Variants in LRRN1 observed in about 807,000 individuals in gnomAD.
LRRN1 encodes leucine-rich repeat neuronal protein 1.
Under a neutral mutation model 45.8 loss-of-function variants are expected in LRRN1, and 14 were observed. That is an observed-to-expected ratio of 0.31 (90% CI 0.20 to 0.48). The LOEUF is 0.48. Ranked by LOEUF, LRRN1 falls within the 20% of genes least tolerant of loss-of-function variation. The probability of loss-of-function intolerance (pLI) is 0.99; values close to 1 mark genes in which losing one functional copy is unlikely to be tolerated. For synonymous variants in LRRN1, 359 were observed against 330.1 expected (o/e 1.09, Z -0.95); for missense variants, 789 against 874.2 (o/e 0.90, Z 1.23).
rs2106471634 is a variant in LRRN1, at chr3:3,844,456, G to C, written c.-186G>C. The C allele has an allele frequency of 3.5e-6, 2 of 564,188 alleles. No homozygotes were observed. The highest frequency in any genetic ancestry group is 6.2e-6 in the Non-Finnish European group (2 of 320,682). 34.9% of individuals were successfully genotyped at this position (564,188 alleles called of 1,614,324 possible). ...GAGAGACACAGTTAAAAGACTCCAA[G>C]TTGCTTTCTGCCTTTTGAAAACTCC... On this transcript the variant is annotated 5_prime_UTR_variant, in exon 2 of 2. Coordinates refer to ENST00000319331, the MANE Select transcript of LRRN1 (RefSeq NM_020873.7).
At chr3:3,806,084 C>T (rs1479164550) in intron 1 of LRRN1, among the ~76,000 whole-genome samples, 2 of 151,820 alleles carry the variant, frequency 1.3e-5, no homozygotes, top group Non-Finnish European at 2.9e-5. Context: ...TCATCGCTGT[C>T]ACAAGTGAGG....
chr3:3,831,875 T>C lies in LRRN1; in HGVS notation c.-278-12489T>C, dbSNP rs12497209. ...AAGACTATGACACAAAGCTGGAGAG[T>C]TGATATACCCCTGGGGTAGGACAGT... On this transcript the variant is annotated intron_variant, in intron 1 of 1. Coordinates refer to ENST00000319331, the MANE Select transcript of LRRN1 (RefSeq NM_020873.7). Among the ~76,000 whole-genome samples, 43 of 23,414 alleles carry C rather than the reference T, an allele frequency of 1.8e-3. 7 individuals are homozygous for C. The highest frequency in any genetic ancestry group is 3.6e-3 in the Non-Finnish European group (13 of 3,604). The allele number at this position is 23,414 out of a possible 152,430, so 15.4% of individuals were successfully genotyped here. A position where few individuals can be genotyped will look rare whatever the true frequency, so the allele number is the denominator to read the frequency against.
chr3:3,842,267 T>A (rs970522915), intron 1 of LRRN1, among the ~76,000 whole-genome samples: 2 of 151,896 alleles, frequency 1.3e-5, no homozygotes, highest in Non-Finnish European at 2.9e-5. Context: ...GTAACCAGAC[T>A]TGGAGATGGG....
At chr3:3,840,981 T>C (rs1024223494) in intron 1 of LRRN1, among the ~76,000 whole-genome samples, 1 of 152,188 alleles carries the variant, frequency 6.6e-6, no homozygotes, top group Non-Finnish European at 1.5e-5. Context: ...TCTTGGTACA[T>C]TTCCTTACAT....
At chr3:3,814,242 T>G (rs1245269223) in intron 1 of LRRN1, among the ~76,000 whole-genome samples, 1 of 148,802 alleles carries the variant, frequency 6.7e-6, no homozygotes, top group Non-Finnish European at 1.5e-5. Context: ...CTTTCGGAAT[T>G]ATAGAACTGA....
chr3:3,800,945 C>A (rs1179027955), intron 1 of LRRN1: 1 of 152,464 alleles, frequency 6.6e-6, no homozygotes, highest in East Asian at 1.9e-4. Flanking sequence ...CGACTCGGCG[C>A]TTCCCCGCCG....
At chr3:3,812,078 A>G (rs1300770097) in intron 1 of LRRN1, among the ~76,000 whole-genome samples, 1 of 152,232 alleles carries the variant, frequency 6.6e-6, no homozygotes, top group Non-Finnish European at 1.5e-5. Flanking sequence ...AGAACATGAC[A>G]GTCATTCACT....
chr3:3,832,961 A>G (rs2106464801), intron 1 of LRRN1, among the ~76,000 whole-genome samples: 1 of 152,340 alleles, frequency 6.6e-6, no homozygotes, highest in East Asian at 1.9e-4. Context: ...TACAGTAGCT[A>G]TGCCCACTTT....
intron 1 of LRRN1, among the ~76,000 whole-genome samples, chr3:3,813,614 T>A (rs1186118962): frequency 1.3e-5 from 2 of 152,068 alleles, no homozygotes; most frequent in African/African-American, 4.8e-5. Context: ...TGAGAAAAAC[T>A]CCCAAATTTC....
chr3:3,808,070 A>ATT (rs1236348137), intron 1 of LRRN1, among the ~76,000 whole-genome samples: 2 of 152,202 alleles, frequency 1.3e-5, no homozygotes, highest in African/African-American at 4.8e-5. Flanking sequence ...ACACTGTCAA[A>ATT]TTGGAGTCCT....
intron 1 of LRRN1, chr3:3,801,153 C>T (rs1156906352): frequency 6.6e-6 from 1 of 152,320 alleles, no homozygotes; most frequent in African/African-American, 2.4e-5. Flanking sequence ...AAGAACAGAG[C>T]CTGGCCGTGA....
intron 1 of LRRN1, among the ~76,000 whole-genome samples, chr3:3,819,218 C>G (rs953275068): frequency 5.3e-5 from 8 of 152,072 alleles, no homozygotes; most frequent in African/African-American, 2.4e-5. Context: ...AACTCCTGGG[C>G]TCAAGCAAGC....
intron 1 of LRRN1, among the ~76,000 whole-genome samples, chr3:3,841,611 C>A (rs538916891): frequency 6.1e-4 from 93 of 152,116 alleles, no homozygotes; most frequent in South Asian, 2.3e-3. Context: ...CTCTGCCTCC[C>A]AGGTTCAAGC....
intron 1 of LRRN1, among the ~76,000 whole-genome samples, chr3:3,840,189 G>A (rs759554577): frequency 9.2e-5 from 14 of 152,058 alleles, no homozygotes; most frequent in Non-Finnish European, 1.9e-4. Context: ...TCATGAAAAA[G>A]TGTTGAATTT....
rs2106474591 is a variant in LRRN1 at position 3,848,303 on chromosome 3, G to T, written c.*1511G>T. On this transcript the variant is annotated 3_prime_UTR_variant, in exon 2 of 2. Coordinates refer to ENST00000319331, the MANE Select transcript of LRRN1 (RefSeq NM_020873.7). ...TGTTTCAAGATTATAGAGGAAACAT[G>T]TAACATTTAGAGCAGATGGAACTAG... Among the ~76,000 whole-genome samples, 1 of 152,242 alleles carries T rather than the reference G, an allele frequency of 6.6e-6. No individual in the cohort carries two copies. Among genetic ancestry groups the T allele is most frequent in the South Asian group, 2.1e-4 (1 of 4,828 alleles).
At chr3:3,809,242 C>A (rs568994234) in intron 1 of LRRN1, among the ~76,000 whole-genome samples, 189 of 152,198 alleles carry the variant, frequency 1.2e-3, no homozygotes, top group Middle Eastern at 3.4e-3. Context: ...CTCCGGGGTT[C>A]AAGCAAGTCT....
intron 1 of LRRN1, among the ~76,000 whole-genome samples, chr3:3,815,258 T>C (rs1292689243): frequency 6.6e-6 from 1 of 152,160 alleles, no homozygotes; most frequent in East Asian, 1.9e-4. Context: ...CCCTCCTTTT[T>C]GTGACCAATT....
In LRRN1 at chr3:3,816,408, AT is replaced by A. The variant is rs1002830977; in HGVS notation, c.-279+16492del. Among the ~76,000 whole-genome samples, 3 of 152,336 alleles carry A rather than the reference AT, an allele frequency of 2.0e-5. No individual in the cohort carries two copies. The highest frequency in any genetic ancestry group is 7.2e-5 in the African/African-American group (3 of 41,582). ...GGGATGTAACTTTCACCTGATTTTA[AT>A]TTACCAAAACAATTAAAAAACCTGA... On this transcript the variant is annotated intron_variant, in intron 1 of 1. Coordinates refer to ENST00000319331, the MANE Select transcript of LRRN1 (RefSeq NM_020873.7). The surrounding 1 kb of genome is among the most constrained non-coding windows in gnomAD (Gnocchi z 4.0).
At chr3:3,828,117 C>G (rs1693266852) in intron 1 of LRRN1, among the ~76,000 whole-genome samples, 1 of 125,962 alleles carries the variant, frequency 7.9e-6, no homozygotes, top group African/African-American at 3.0e-5. Context: ...TTAGGGTTCT[C>G]TTAGAGGGAC....
Sources: allele counts gnomAD v4.1 joint callset (sites outside exome capture counted in the v4.1 genomes callset), GRCh38; gene constraint gnomAD v4.1.1; non-coding constraint Gnocchi (gnomAD v3.1); transcripts MANE v1.5; gene names NCBI Gene and HGNC (gene_info 2026-07-23, HGNC 2026-07-21).